ATP6V0A1: variants seen among roughly 807,000 people sequenced by gnomAD.
The protein encoded by ATP6V0A1 is V-type proton ATPase 116 kDa subunit a 1.
A neutral mutation model predicts 105.4 loss-of-function variants in ATP6V0A1; 43 were observed. The observed-to-expected ratio is 0.41, with a 90% CI of 0.32 to 0.53. The LOEUF (loss-of-function observed/expected upper bound fraction) is 0.53, where lower values mean the gene tolerates loss of function less well. Among genes scored for constraint, ATP6V0A1 ranks in the 20% least tolerant of loss-of-function variants. The probability of loss-of-function intolerance (pLI) is 0.30; values close to 1 mark genes in which losing one functional copy is unlikely to be tolerated. For missense variants in ATP6V0A1, 676 were observed against 1,051.1 expected (o/e 0.64, Z 4.93); for synonymous variants, 362 against 372.8 (o/e 0.97, Z 0.33).
intron 17 of ATP6V0A1, among the ~76,000 whole-genome samples, chr17:42,505,036 C>CT (rs1195871876): frequency 0.018 from 2,555 of 140,754 alleles, 61 homozygotes; most frequent in African/African-American, 0.054. Context: ...GTGATAATCA[C>CT]TTTTTTTTTT....
chr17:42,486,039 T>C (rs2090074407), intron 9 of ATP6V0A1, among the ~76,000 whole-genome samples: 1 of 152,212 alleles, frequency 6.6e-6, no homozygotes, highest in Non-Finnish European at 1.5e-5. Flanking sequence ...GAATTGTCTA[T>C]GATGGAGACT....
chr17:42,487,746 T>C (rs1335211194), intron 10 of ATP6V0A1, among the ~76,000 whole-genome samples: 2 of 151,804 alleles, frequency 1.3e-5, no homozygotes, highest in African/African-American at 2.4e-5. Flanking sequence ...AAAATAATAA[T>C]AAAAAATAAA....
rs1598798383 is a variant in ATP6V0A1, at chr17:42,478,523, G to A, written c.567G>A (p.Arg189=). The A allele has an allele frequency of 1.2e-6, 2 of 1,610,892 alleles. No homozygotes were observed. The highest frequency in any genetic ancestry group is 1.7e-6 in the Non-Finnish European group (2 of 1,178,202). The change falls in exon 7 of 22, where the codon CGG becomes CGA. Residue 189 remains arginine, a synonymous_variant. Coordinates refer to ENST00000343619, the MANE Select transcript of ATP6V0A1 (RefSeq NM_001130021.3). ...RIPTFERMLW[R]VCRGNVFLRQ... ...CTACTTTTGAGCGCATGCTTTGGCG[G>A]GTATGCCGGGGAAATGTGTTCCTGC...
intron 5 of ATP6V0A1, 65 bp downstream of exon 5, chr17:42,470,283 T>C (rs1266778382): frequency 6.4e-7 from 1 of 1,560,222 alleles, no homozygotes; most frequent in East Asian, 2.3e-5. Flanking sequence ...TGGGCCATAT[T>C]TTTATTCCAG....
rs2090191109 is a variant in ATP6V0A1 at position 42,487,215 on chromosome 17, C to A, written c.871C>A (p.Arg291Ser). ...RVLQAAAKNI[R>S]VWFIKVRKMK... is the part of the protein sequence containing the mutation. ...TCTGCAGGCAGCTGCTAAGAACATCCGTGTCTGGTTCATCAAAGTGCGGAA... is the reference window on the plus strand; with the variant it reads ...TCTGCAGGCAGCTGCTAAGAACATCAGTGTCTGGTTCATCAAAGTGCGGAA... The change falls in exon 10 of 22, where the codon CGT (arginine) becomes AGT (serine). Residue 291 changes from arginine (R) to serine (S), a missense_variant. Physicochemically the swap from Arg to Ser is moderately radical, Grantham distance 110. Coordinates refer to ENST00000343619, the MANE Select transcript of ATP6V0A1 (RefSeq NM_001130021.3). 2 of 1,614,028 alleles carry A rather than the reference C, an allele frequency of 1.2e-6. No individual in the cohort carries two copies. Among genetic ancestry groups the A allele is most frequent in the Non-Finnish European group, 1.7e-6 (2 of 1,180,032 alleles).
chr17:42,488,442 A>G (rs1410249823), intron 10 of ATP6V0A1, among the ~76,000 whole-genome samples: 1 of 152,134 alleles, frequency 6.6e-6, no homozygotes, highest in Non-Finnish European at 1.5e-5. Context: ...GTAAAGGAAC[A>G]TGATCAAAGC....
At chr17:42,489,208 T>C (rs1373482192) in intron 10 of ATP6V0A1, among the ~76,000 whole-genome samples, 1 of 151,306 alleles carries the variant, frequency 6.6e-6, no homozygotes, top group African/African-American at 2.4e-5. Flanking sequence ...GCCTCCTGAG[T>C]AGCTGGGATT....
chr17:42,516,408 C>T (rs763587570), intron 21 of ATP6V0A1, among the ~76,000 whole-genome samples: 2 of 152,292 alleles, frequency 1.3e-5, no homozygotes, highest in East Asian at 1.9e-4. Flanking sequence ...CTCTCTCCCT[C>T]CTGGCCTCCC....
chr17:42,513,662 T>G, intron 19 of ATP6V0A1, 199 bp from the exon 20 acceptor site: 1 of 580,066 alleles, frequency 1.7e-6, no homozygotes, highest in Admixed American at 3.1e-5. Flanking sequence ...AGGCAGGATT[T>G]TTGGGGAAGG....
chr17:42,474,370 G>A (rs762276664), intron 5 of ATP6V0A1, among the ~76,000 whole-genome samples: 1 of 151,254 alleles, frequency 6.6e-6, no homozygotes. Context: ...GCACAAGACC[G>A]TGGCTATGAG....
chr17:42,501,405 TTC>T, intron 17 of ATP6V0A1, 101 bp downstream of exon 17: 1 of 790,426 alleles, frequency 1.3e-6, no homozygotes, highest in South Asian at 2.1e-5. Flanking sequence ...AATCTATATA[TTC>T]TTTTTCTTTT....
chr17:42,469,966 C>T (rs747416086), intron 4 of ATP6V0A1, 124 bp from the exon 5 acceptor site: 9 of 1,006,562 alleles, frequency 8.9e-6, no homozygotes, highest in Non-Finnish European at 1.0e-5. Flanking sequence ...ACAGTATTTG[C>T]TAGGCAAGTC....
chr17:42,490,709 G>A (rs973590486), intron 11 of ATP6V0A1, 72 bp downstream of exon 11: 74 of 1,487,102 alleles, frequency 5.0e-5, no homozygotes, highest in Non-Finnish European at 6.0e-5. Flanking sequence ...TTTGTTTTGA[G>A]ACAGAGTCTC....
Position 42,464,417 on chromosome 17 carries a change from T to G in ATP6V0A1, c.118-2012T>G, listed in dbSNP as rs530609743. On this transcript the variant is annotated intron_variant, in intron 2 of 21. Transcript: ENST00000343619. The stretch of plus-strand genomic sequence containing the variant: ...GTGTTTGTATTTTTTTTTTTCTTTT[T>G]TTTGAGACTGAGTCTAGTTCTGTCA... Among the ~76,000 whole-genome samples, 4 of 152,258 alleles carry G rather than the reference T, an allele frequency of 2.6e-5. No homozygotes were observed. The South Asian group carries it at 8.3e-4, about 32-fold the overall frequency.
intron 17 of ATP6V0A1, among the ~76,000 whole-genome samples, chr17:42,504,212 G>A (rs1233241141): frequency 6.6e-6 from 1 of 152,226 alleles, no homozygotes; most frequent in South Asian, 2.1e-4. Flanking sequence ...CTGAGGATAT[G>A]AACAGTGATC....
Position 42,500,701 on chromosome 17 carries a change from T to C in ATP6V0A1, c.1680-6T>C. ...CCCTTAACATTTTTTTCTCTCTCCT[T>C]TTTAGCTATTTCAAGAAGCCCCTGA... On this transcript the variant is annotated splice_polypyrimidine_tract_variant and splice_region_variant and intron_variant, in intron 15 of 21. Transcript: ENST00000343619. 1.2e-6 allele frequency: 2 copies of C among 1,606,812 alleles called. No homozygotes were observed. Among genetic ancestry groups the C allele is most frequent in the Non-Finnish European group, 1.7e-6 (2 of 1,173,686 alleles).
At chr17:42,508,616 G>A (rs758514727) in intron 19 of ATP6V0A1, 27 bp downstream of exon 19, 33 of 1,613,852 alleles carry the variant, frequency 2.0e-5, no homozygotes, top group East Asian at 8.9e-5. Flanking sequence ...CGTTGCCTTC[G>A]TGTTTATCCG....
chr17:42,500,771 T>G lies in ATP6V0A1; in HGVS notation c.1744T>G (p.Leu582Val). The change falls in exon 16 of 22, where the codon TTG becomes GTG. Residue 582 changes from leucine to valine, a missense_variant. Around this residue, in one of 3 missense-constraint regions of ATP6V0A1, gnomAD observed 435 missense variants for 642.2 expected, o/e 0.68. Transcript: ENST00000343619. ...TCCTGAAATAATCTTCATGACCTCTTTGTTTGGCTATTTGGTTATCCTTAT... is the reference window on the plus strand; with the variant it reads ...TCCTGAAATAATCTTCATGACCTCTGTGTTTGGCTATTTGGTTATCCTTAT... ...FIPEIIFMTSLFGYLVILIFY... is the reference protein window; with the variant it reads ...FIPEIIFMTSVFGYLVILIFY... The G allele has an allele frequency of 6.2e-7, 1 of 1,614,066 alleles. No individual in the cohort carries two copies. Among genetic ancestry groups the G allele is most frequent in the Non-Finnish European group, 8.5e-7 (1 of 1,179,924 alleles).
At chr17:42,513,810 C>T in intron 19 of ATP6V0A1, 51 bp from the exon 20 acceptor site, 1 of 1,540,442 alleles carries the variant, frequency 6.5e-7, no homozygotes, top group Admixed American at 1.7e-5. Context: ...AGAATGCCTG[C>T]ACGTTCCCCT....
Sources: gnomAD v4.1 joint callset for allele counts (sites outside exome capture counted in the v4.1 genomes callset) on GRCh38, gnomAD v4.1.1 for gene constraint, gnomAD v4.1.1 regional missense constraint, MANE v1.5 for transcripts, NCBI Gene and HGNC (gene_info 2026-07-23, HGNC 2026-07-21) for gene names.